The following SH3GL2 variants were observed in gnomAD, a reference collection of about 807,000 sequenced individuals.
The protein encoded by SH3GL2 is endophilin-A1.
In SH3GL2, 24 loss-of-function variants were observed where a neutral mutation model predicts 46.0. The observed-to-expected ratio is 0.52, with a 90% CI of 0.38 to 0.73. The LOEUF is 0.73. Ranked by LOEUF, SH3GL2 falls within the 30% of genes least tolerant of loss-of-function variation. The pLI is 0.00. For synonymous variants in SH3GL2, 196 were observed against 147.1 expected (o/e 1.33, Z -2.40); for missense variants, 413 against 424.2 (o/e 0.97, Z 0.23).
intron 1 of SH3GL2, among the ~76,000 whole-genome samples, chr9:17,731,641 A>G (rs12554313): frequency 0.3 from 45,307 of 151,946 alleles, 8,188 homozygotes; most frequent in African/African-American, 0.49. Flanking sequence ...GTAAAATTCT[A>G]TTGTTTAAGC....
chr9:17,717,562 C>A (rs1344722668), intron 1 of SH3GL2, among the ~76,000 whole-genome samples: 1 of 152,076 alleles, frequency 6.6e-6, no homozygotes, highest in African/African-American at 2.4e-5. Context: ...TGAGTGCCTC[C>A]TTTACTGAGT....
At chr9:17,591,434 T>C (rs927276865) in intron 1 of SH3GL2, 12 of 152,126 alleles carry the variant, frequency 7.9e-5, no homozygotes, top group African/African-American at 2.9e-4. Flanking sequence ...CAGTCAGAGA[T>C]TGTACCACCC....
chr9:17,658,954 T>C (rs572608292), intron 1 of SH3GL2, among the ~76,000 whole-genome samples: 1 of 152,328 alleles, frequency 6.6e-6, no homozygotes, highest in Non-Finnish European at 1.5e-5. Flanking sequence ...AATTAAATCA[T>C]TTAACACTTA....
At chr9:17,617,995 G>A (rs192802932) in intron 1 of SH3GL2, among the ~76,000 whole-genome samples, 3 of 152,272 alleles carry the variant, frequency 2.0e-5, no homozygotes, top group Admixed American at 6.5e-5. Context: ...GAAATGGGTG[G>A]AGGAGAGTCA....
intron 1 of SH3GL2, among the ~76,000 whole-genome samples, chr9:17,616,299 AG>A (rs1205957931): frequency 2.0e-5 from 3 of 152,262 alleles, no homozygotes; most frequent in Non-Finnish European, 4.4e-5. Context: ...ACAGTGAGTC[AG>A]CAACCCATTT....
chr9:17,628,790 T>C (rs1819352177), intron 1 of SH3GL2, among the ~76,000 whole-genome samples: 1 of 152,146 alleles, frequency 6.6e-6, no homozygotes, highest in Admixed American at 6.5e-5. Flanking sequence ...ACTGCCCTTT[T>C]ATAGATCTTC....
intron 1 of SH3GL2, among the ~76,000 whole-genome samples, chr9:17,580,551 G>A (rs750752234): frequency 6.6e-6 from 1 of 152,150 alleles, no homozygotes; most frequent in Non-Finnish European, 1.5e-5. Flanking sequence ...ATCAAGAAAA[G>A]TAAGACTATT....
At chr9:17,585,286 G>A (rs965588485) in intron 1 of SH3GL2, among the ~76,000 whole-genome samples, 1 of 152,162 alleles carries the variant, frequency 6.6e-6, no homozygotes, top group Non-Finnish European at 1.5e-5. Context: ...AAACTTTAAG[G>A]TGGATACCTG....
At chr9:17,677,980 A>G (rs1820657583) in intron 1 of SH3GL2, among the ~76,000 whole-genome samples, 1 of 152,194 alleles carries the variant, frequency 6.6e-6, no homozygotes, top group South Asian at 2.1e-4. Context: ...ATGGCTGCAT[A>G]GTATTCCATG....
chr9:17,769,259 G>A (rs367558890), intron 3 of SH3GL2, among the ~76,000 whole-genome samples: 3 of 152,172 alleles, frequency 2.0e-5, no homozygotes, highest in Non-Finnish European at 4.4e-5. Context: ...ATGCAGTGAC[G>A]CAGTGACTTG....
At chr9:17,589,883 C>T (rs534796090) in intron 1 of SH3GL2, 27 of 152,206 alleles carry the variant, frequency 1.8e-4, no homozygotes, top group African/African-American at 2.4e-4. Flanking sequence ...TGCTCTTTGA[C>T]GTGATTCATG....
intron 1 of SH3GL2, among the ~76,000 whole-genome samples, chr9:17,649,324 C>T (rs982300493): frequency 6.6e-6 from 1 of 152,196 alleles, no homozygotes; most frequent in Non-Finnish European, 1.5e-5. Flanking sequence ...GCCTTGGCCT[C>T]CCAAAGTGCT....
At chr9:17,664,533 G>C (rs945600969) in intron 1 of SH3GL2, among the ~76,000 whole-genome samples, 18 of 152,034 alleles carry the variant, frequency 1.2e-4, no homozygotes, top group African/African-American at 4.1e-4. Context: ...TTTTGAAAAA[G>C]GCAAGTTTTT....
At chr9:17,592,621 C>T (rs1818505065) in intron 1 of SH3GL2, among the ~76,000 whole-genome samples, 1 of 152,114 alleles carries the variant, frequency 6.6e-6, no homozygotes, top group African/African-American at 2.4e-5. Flanking sequence ...AGATTTCCTC[C>T]TTCACTAAAT....
At position 17,794,685 on chromosome 9, in the gene SH3GL2, G is replaced by A. The variant is rs144074377; in HGVS notation, c.860-859G>A. Among the ~76,000 whole-genome samples, 601 of 152,300 alleles carry A rather than the reference G, an allele frequency of 3.9e-3. 2 individuals are homozygous for A. Among genetic ancestry groups the A allele is most frequent in the African/African-American group, 0.014 (565 of 41,562 alleles). On this transcript the variant is annotated intron_variant, in intron 8 of 8. Coordinates refer to ENST00000380607, the MANE Select transcript of SH3GL2 (RefSeq NM_003026.5). ...AGTCTGTATCTACATGTGTATGTATGTAGTATTAATACAGCGGGTCATTTG... is the reference window on the plus strand; with the variant it reads ...AGTCTGTATCTACATGTGTATGTATATAGTATTAATACAGCGGGTCATTTG...
intron 1 of SH3GL2, among the ~76,000 whole-genome samples, chr9:17,579,775 C>G (rs1818242951): frequency 6.6e-6 from 1 of 152,166 alleles, no homozygotes; most frequent in African/African-American, 2.4e-5. Flanking sequence ...CTCCCTTACC[C>G]TGTTGTCAGA....
intron 1 of SH3GL2, among the ~76,000 whole-genome samples, chr9:17,706,195 C>G (rs948654789): frequency 3.9e-5 from 6 of 151,966 alleles, no homozygotes; most frequent in African/African-American, 1.5e-4. Flanking sequence ...TGCCCAAGGC[C>G]ACTAAGTAGG....
At chr9:17,746,008 A>G (rs948832775) in intron 1 of SH3GL2, among the ~76,000 whole-genome samples, 4 of 152,178 alleles carry the variant, frequency 2.6e-5, no homozygotes, top group African/African-American at 9.7e-5. Context: ...ATAAAACCAG[A>G]GTATCTTTTG....
intron 1 of SH3GL2, among the ~76,000 whole-genome samples, chr9:17,596,362 TA>T (rs145522693): frequency 0.014 from 2,071 of 152,190 alleles, 44 homozygotes; most frequent in African/African-American, 0.048. Context: ...TTCAGTTCCC[TA>T]AGTCTTATCC....
Sources: gnomAD v4.1 joint callset for allele counts (sites outside exome capture counted in the v4.1 genomes callset) on GRCh38, gnomAD v4.1.1 for gene constraint, MANE v1.5 for transcripts, NCBI Gene and HGNC (gene_info 2026-07-23, HGNC 2026-07-21) for gene names.